Variants in ASNS observed in about 807,000 individuals in gnomAD.
The protein encoded by ASNS is asparagine synthetase (glutamine-hydrolyzing).
In ASNS, 37 loss-of-function variants were observed where a neutral mutation model predicts 62.6. The observed-to-expected ratio is 0.59, with a 90% CI of 0.45 to 0.78. The LOEUF (loss-of-function observed/expected upper bound fraction) is 0.78. Among genes scored for constraint, ASNS ranks in the 30% least tolerant of loss-of-function variants. ASNS has a pLI of 0.00. For synonymous variants in ASNS, 207 were observed against 237.9 expected (o/e 0.87, Z 1.19); for missense variants, 520 against 682.4 (o/e 0.76, Z 2.65).
the ASNS span, among the ~76,000 whole-genome samples, chr7:97,877,547 G>A: frequency 5.8e-4 from 88 of 152,340 alleles, no homozygotes; most frequent in South Asian, 7.5e-3. Flanking sequence ...TGCAACCAGA[G>A]TGTCAGCTGG....
intron 10 of ASNS, among the ~76,000 whole-genome samples, chr7:97,853,987 A>G (rs1791309509): frequency 6.6e-6 from 1 of 152,206 alleles, no homozygotes; most frequent in South Asian, 2.1e-4. Context: ...GATTCAGCAG[A>G]GGCAACTAAG....
intron 4 of ASNS, 37 bp from the exon 5 acceptor site, chr7:97,859,435 T>C: frequency 6.5e-7 from 1 of 1,535,624 alleles, no homozygotes. Context: ...TCAAATTAGG[T>C]AACCCTTCCC....
chr7:97,898,119 G>T, the ASNS span, among the ~76,000 whole-genome samples: 1 of 151,846 alleles, frequency 6.6e-6, no homozygotes, highest in African/African-American at 2.4e-5. Context: ...TTTTTGGAGA[G>T]AGTCTCACTC....
At chr7:97,865,354 CA>C (rs1270601928) in intron 3 of ASNS, among the ~76,000 whole-genome samples, 1 of 151,732 alleles carries the variant, frequency 6.6e-6, no homozygotes. Context: ...TTTCCTTTTT[CA>C]GGTGAGAAGA....
At chr7:97,913,441 C>T in the ASNS span, among the ~76,000 whole-genome samples, 1 of 152,228 alleles carries the variant, frequency 6.6e-6, no homozygotes, top group African/African-American at 2.4e-5. Flanking sequence ...TTGTATGTCA[C>T]TATTGGTTAA....
At chr7:97,889,149 C>T in the ASNS span, among the ~76,000 whole-genome samples, 27 of 152,322 alleles carry the variant, frequency 1.8e-4, no homozygotes, top group South Asian at 6.2e-4. Flanking sequence ...GGTCCACCAC[C>T]GCTACCACTG....
intron 3 of ASNS, among the ~76,000 whole-genome samples, chr7:97,864,941 A>G (rs531290990): frequency 2.0e-5 from 3 of 152,350 alleles, no homozygotes; most frequent in Non-Finnish European, 2.9e-5. Context: ...AAGTCTAAAC[A>G]TGAACTTCAT....
upstream of ASNS, chr7:97,872,465 G>C (rs1216436272): frequency 1.3e-5 from 2 of 152,668 alleles, no homozygotes; most frequent in Non-Finnish European, 2.9e-5. Context: ...ACGCGTGCGG[G>C]AAGTTTCATC....
At position 97,857,902 on chromosome 7, in the gene ASNS, T is replaced by C. The variant is rs566722821; in HGVS notation, c.903+376A>G. On this transcript the variant is annotated intron_variant, in intron 7 of 12. Transcript: ENST00000394308. Reference sequence around the variant, plus strand: ...TAGTTTTTGTATTTTTTTGTAGAGATGGAGTTTCATTATGTTGCTCAGGCT... The same window carrying C: ...TAGTTTTTGTATTTTTTTGTAGAGACGGAGTTTCATTATGTTGCTCAGGCT... Among the ~76,000 whole-genome samples, 6 of 152,246 alleles carry C rather than the reference T, an allele frequency of 3.9e-5. 1 individual carries two copies. In the South Asian group the frequency reaches 6.2e-4, roughly 16 times the overall value.
At chr7:97,919,073 T>A in the ASNS span, among the ~76,000 whole-genome samples, 10 of 149,128 alleles carry the variant, frequency 6.7e-5, no homozygotes, top group South Asian at 2.1e-4. Context: ...ACATAAATAT[T>A]TTTTTTTTGG....
At chr7:97,909,541 T>C in the ASNS span, among the ~76,000 whole-genome samples, 1 of 152,074 alleles carries the variant, frequency 6.6e-6, no homozygotes, top group East Asian at 1.9e-4. Flanking sequence ...ACTCTCGGCC[T>C]CAAGTGATCC....
At chr7:97,912,000 T>C in the ASNS span, among the ~76,000 whole-genome samples, 1 of 152,066 alleles carries the variant, frequency 6.6e-6, no homozygotes, top group Admixed American at 6.6e-5. Context: ...CCCTACTGGG[T>C]CCAAATGCAT....
At chr7:97,883,242 T>C in the ASNS span, among the ~76,000 whole-genome samples, 1 of 152,126 alleles carries the variant, frequency 6.6e-6, no homozygotes, top group East Asian at 1.9e-4. Context: ...GTCTAGGGCA[T>C]AGGGAAGGAG....
the ASNS span, among the ~76,000 whole-genome samples, chr7:97,890,048 A>T: frequency 6.6e-6 from 1 of 151,982 alleles, no homozygotes; most frequent in Non-Finnish European, 1.5e-5. Context: ...AGAATAAATC[A>T]TTGAAATAAA....
the ASNS span, among the ~76,000 whole-genome samples, chr7:97,919,958 G>T: frequency 6.6e-6 from 1 of 151,814 alleles, no homozygotes; most frequent in African/African-American, 2.4e-5. Context: ...TGCCTTTAAG[G>T]TCCTGGCTAC....
the ASNS span, among the ~76,000 whole-genome samples, chr7:97,913,847 GA>G: frequency 6.6e-6 from 1 of 150,878 alleles, no homozygotes; most frequent in African/African-American, 2.4e-5. Flanking sequence ...TTGGTGGATG[GA>G]AAGATGGGTG....
the ASNS span, among the ~76,000 whole-genome samples, chr7:97,915,782 C>G: frequency 2.4e-4 from 36 of 152,242 alleles, 1 homozygote; most frequent in South Asian, 6.6e-3. Context: ...GTTCAAGAGC[C>G]TGAAAGAGGC....
intron 1 of ASNS, chr7:97,871,685 T>C (rs2115779828): frequency 6.6e-6 from 1 of 152,366 alleles, no homozygotes; most frequent in Non-Finnish European, 1.5e-5. Context: ...TTTTGCCTTT[T>C]TCTGTACTTG....
chr7:97,866,285 A>G (rs1791963223), intron 3 of ASNS, among the ~76,000 whole-genome samples: 1 of 152,222 alleles, frequency 6.6e-6, no homozygotes, highest in South Asian at 2.1e-4. Flanking sequence ...AATAACAGAT[A>G]CATGATCCAA....
Sources: allele counts gnomAD v4.1 joint callset (sites outside exome capture counted in the v4.1 genomes callset), GRCh38; gene constraint gnomAD v4.1.1; transcripts MANE v1.5; gene names NCBI Gene and HGNC (gene_info 2026-07-23, HGNC 2026-07-21).